The following RBFOX1 variants were observed in gnomAD, a reference collection of about 807,000 sequenced individuals.
The protein encoded by RBFOX1 is RNA binding fox-1 homolog 1, also known as RNA binding protein fox-1 homolog 1.
RBFOX1 carries 8 observed loss-of-function variants against 57.7 expected under a neutral mutation model. The ratio of observed to expected loss-of-function variants is 0.14; its 90% CI spans 0.08 to 0.25. RBFOX1 has a LOEUF of 0.25. Among genes scored for constraint, RBFOX1 ranks in the 10% least tolerant of loss-of-function variants. RBFOX1 has a pLI of 1.00. For missense variants in RBFOX1, 611 were observed against 548.5 expected (o/e 1.11, Z -1.14); for synonymous variants, 326 against 222.4 (o/e 1.47, Z -4.15).
chr16:7,689,900 T>G (rs1318006471), intron 14 of RBFOX1, among the ~76,000 whole-genome samples: 1 of 152,108 alleles, frequency 6.6e-6, no homozygotes, highest in Non-Finnish European at 1.5e-5. Flanking sequence ...AGAAGTACCC[T>G]TTCTTGGATA....
chr16:6,118,089 C>T (rs911511787), intron 1 of RBFOX1, among the ~76,000 whole-genome samples: 2 of 152,166 alleles, frequency 1.3e-5, no homozygotes, highest in Admixed American at 6.5e-5. Flanking sequence ...AGTCTTCACC[C>T]ATCTTCTCTG....
chr16:7,272,560 A>C (rs1009413436), intron 4 of RBFOX1, among the ~76,000 whole-genome samples: 16 of 152,172 alleles, frequency 1.1e-4, no homozygotes, highest in Non-Finnish European at 2.2e-4. Context: ...TTTATAGGCA[A>C]CTATCACTTG....
chr16:5,385,086 G>A (rs572374328), intron 1 of RBFOX1, among the ~76,000 whole-genome samples: 2 of 152,326 alleles, frequency 1.3e-5, no homozygotes, highest in Admixed American at 6.5e-5. Context: ...GGTAAATGCC[G>A]GGTTCAACAT....
chr16:6,572,941 G>A (rs1600245316), intron 2 of RBFOX1, among the ~76,000 whole-genome samples: 2 of 152,182 alleles, frequency 1.3e-5, no homozygotes, highest in Non-Finnish European at 1.5e-5. Flanking sequence ...AGAGTGCTGG[G>A]AACTTAGCAG....
At chr16:6,728,750 C>T (rs989834622) in intron 3 of RBFOX1, among the ~76,000 whole-genome samples, 1 of 152,178 alleles carries the variant, frequency 6.6e-6, no homozygotes, top group African/African-American at 2.4e-5. Context: ...ACGGTGTCTC[C>T]TTACCTTCTG....
chr16:6,175,538 G>A (rs560384239), intron 1 of RBFOX1, among the ~76,000 whole-genome samples: 1 of 152,278 alleles, frequency 6.6e-6, no homozygotes. Context: ...GCTTAGAGGT[G>A]GTTGTAATGG....
intron 2 of RBFOX1, among the ~76,000 whole-genome samples, chr16:6,605,285 A>G (rs775399505): frequency 1.3e-5 from 2 of 152,166 alleles, no homozygotes; most frequent in Non-Finnish European, 2.9e-5. Context: ...AAGAAATAAA[A>G]AATAGGCCAA....
intron 2 of RBFOX1, among the ~76,000 whole-genome samples, chr16:6,411,574 A>G (rs767894405): frequency 8.5e-5 from 13 of 152,190 alleles, no homozygotes; most frequent in South Asian, 4.1e-4. Flanking sequence ...ACATTATGCA[A>G]TTATTACCCG....
chr16:6,994,086 G>A (rs997945107), intron 3 of RBFOX1, among the ~76,000 whole-genome samples: 1 of 152,100 alleles, frequency 6.6e-6, no homozygotes, highest in African/African-American at 2.4e-5. Flanking sequence ...TTTAGCTGTT[G>A]CTGACATCTG....
At chr16:6,203,832 A>G (rs571697971) in intron 1 of RBFOX1, among the ~76,000 whole-genome samples, 2 of 152,180 alleles carry the variant, frequency 1.3e-5, no homozygotes, top group Non-Finnish European at 2.9e-5. Flanking sequence ...CATCTGATGC[A>G]GCAGTCTCAC....
chr16:5,620,099 C>T (rs1229299105), intron 3 of RBFOX1, among the ~76,000 whole-genome samples: 5 of 152,020 alleles, frequency 3.3e-5, no homozygotes, highest in Non-Finnish European at 7.4e-5. Context: ...TTTCCTAGTT[C>T]AGCAGAAAGT....
chr16:5,683,157 G>A (rs1217740623), intron 3 of RBFOX1, among the ~76,000 whole-genome samples: 1 of 150,962 alleles, frequency 6.6e-6, no homozygotes, highest in Non-Finnish European at 1.5e-5. Context: ...GGAGGTGGAG[G>A]TGGGGGGTGG....
intron 4 of RBFOX1, among the ~76,000 whole-genome samples, chr16:7,237,624 C>G (rs143205503): frequency 0.013 from 1,914 of 152,308 alleles, 18 homozygotes; most frequent in Non-Finnish European, 0.019. Context: ...AAAGTAAATT[C>G]TGCTTTCTCA....
intron 3 of RBFOX1, among the ~76,000 whole-genome samples, chr16:6,957,535 A>G (rs892219864): frequency 3.9e-5 from 6 of 152,106 alleles, no homozygotes; most frequent in African/African-American, 1.4e-4. Flanking sequence ...GGAGTGTAGC[A>G]GTGGGGACGA....
chr16:5,569,438 C>CTTTTTTTTTTTTTTTTTTT lies in RBFOX1; in HGVS notation c.259-29453_259-29435dup. Among the ~76,000 whole-genome samples, 41 of 49,210 alleles carry CTTTTTTTTTTTTTTTTTTT rather than the reference C, an allele frequency of 8.3e-4. 1 individual carries two copies. Among genetic ancestry groups the CTTTTTTTTTTTTTTTTTTT allele is most frequent in the Non-Finnish European group, 1.2e-3 (30 of 25,008 alleles). The allele number at this position is 49,210 out of a possible 152,430, so 32.3% of individuals were successfully genotyped here. A position where few individuals can be genotyped will look rare whatever the true frequency, so the allele number is the denominator to read the frequency against. ...GTAAGGGTTAATGATAAGAAGTAACCTTTTTTTTTTTTTTTTTTTTTTTTT... is the reference window on the plus strand; with the variant it reads ...GTAAGGGTTAATGATAAGAAGTAACCTTTTTTTTTTTTTTTTTTTTTTTTTTTTTTTTTTTTTTTTTTTT... On this transcript the variant is annotated intron_variant, in intron 2 of 2. Transcript: ENST00000585867.
intron 3 of RBFOX1, among the ~76,000 whole-genome samples, chr16:6,769,844 C>T (rs998872710): frequency 2.0e-5 from 3 of 152,174 alleles, no homozygotes; most frequent in Admixed American, 6.5e-5. Context: ...GAGGACAACT[C>T]ACCACGAGTT....
At chr16:5,610,576 C>A (rs1215173529) in intron 3 of RBFOX1, 1 of 152,136 alleles carries the variant, frequency 6.6e-6, no homozygotes, top group African/African-American at 2.4e-5. Flanking sequence ...CTGTTAATCC[C>A]AGTGCTTTGG....
intron 4 of RBFOX1, among the ~76,000 whole-genome samples, chr16:7,172,333 C>G (rs1443220832): frequency 1.3e-5 from 2 of 152,188 alleles, no homozygotes; most frequent in African/African-American, 4.8e-5. Context: ...CTCCTCAGTA[C>G]CCTACACATC....
chr16:7,067,582 T>A (rs1036354731), intron 4 of RBFOX1, among the ~76,000 whole-genome samples: 1 of 151,838 alleles, frequency 6.6e-6, no homozygotes, highest in South Asian at 2.1e-4. Context: ...ATGTGCACAA[T>A]GTTTAGGTTA....
Sources: gnomAD v4.1 joint callset for allele counts (sites outside exome capture counted in the v4.1 genomes callset) on GRCh38, gnomAD v4.1.1 for gene constraint, MANE v1.5 for transcripts, NCBI Gene and HGNC (gene_info 2026-07-23, HGNC 2026-07-21) for gene names.